The following CDR2L variants were observed in gnomAD, a reference collection of about 807,000 sequenced individuals.
The protein encoded by CDR2L is cerebellar degeneration-related protein 2-like.
CDR2L carries 19 observed loss-of-function variants against 36.1 expected under a neutral mutation model. The ratio of observed to expected loss-of-function variants is 0.53; its 90% CI spans 0.37 to 0.77. The LOEUF (loss-of-function observed/expected upper bound fraction) is 0.77. Ranked by LOEUF, CDR2L falls within the 30% of genes least tolerant of loss-of-function variation. The pLI is 0.00. For synonymous variants in CDR2L, 285 were observed against 280.4 expected, an observed-to-expected ratio of 1.02 and a Z score of -0.16; for missense variants, 575 against 627.2, an observed-to-expected ratio of 0.92 and a Z score of 0.89.
intron 1 of CDR2L, among the ~76,000 whole-genome samples, chr17:74,988,850 A>T (rs1362450402): frequency 2.0e-5 from 3 of 152,178 alleles, no homozygotes; most frequent in Non-Finnish European, 4.4e-5. Flanking sequence ...ATCTGAGGAC[A>T]GAAAGGGCGA....
rs757570066 is a variant in CDR2L, at chr17:75,001,403, G to A, written c.255G>A (p.Glu85=). 3 of 1,611,240 alleles carry A rather than the reference G, an allele frequency of 1.9e-6. No individual in the cohort carries two copies. The highest frequency in any genetic ancestry group is 4.5e-5 in the East Asian group (2 of 44,872). Residue 85 remains glutamate, a synonymous_variant, in exon 3 of 5, where the codon GAG becomes GAA. Coordinates refer to ENST00000337231, the MANE Select transcript of CDR2L (RefSeq NM_014603.3). Reference sequence around the variant, plus strand: ...ACGAGCAGCACGCCAAAGTCTATGAGCAGCTGGACCTGACAGCCCGGGACC... The same window carrying A: ...ACGAGCAGCACGCCAAAGTCTATGAACAGCTGGACCTGACAGCCCGGGACC... The part of the protein sequence containing the change: ...HVNEQHAKVY[E]QLDLTARDLE...
intron 1 of CDR2L, among the ~76,000 whole-genome samples, chr17:74,997,044 C>T (rs1328681240): frequency 1.2e-4 from 1 of 8,250 alleles, no homozygotes; most frequent in African/African-American, 1.6e-4. Context: ...TTCTTTCTTT[C>T]TTTCTTTCTT....
At chr17:74,998,908 C>G (rs1203939029) in intron 1 of CDR2L, among the ~76,000 whole-genome samples, 1 of 152,212 alleles carries the variant, frequency 6.6e-6, no homozygotes, top group African/African-American at 2.4e-5. Context: ...TTAGTCCCTT[C>G]CTGGCTGTGA....
intron 2 of CDR2L, among the ~76,000 whole-genome samples, chr17:75,000,865 C>A (rs1286889706): frequency 6.7e-6 from 1 of 149,850 alleles, no homozygotes; most frequent in Non-Finnish European, 1.5e-5. Context: ...TTGCAGTGAG[C>A]CGATGTCGCG....
intron 3 of CDR2L, 115 bp downstream of exon 3, chr17:75,001,604 G>T: frequency 1.0e-6 from 1 of 988,184 alleles, no homozygotes; most frequent in Non-Finnish European, 1.4e-6. Context: ...AGGAACCGGG[G>T]ATGGGAGTGA....
Position 75,002,153 on chromosome 17 carries a change from T to C in CDR2L, c.431T>C (p.Val144Ala). Residue 144 changes from valine to alanine, a missense_variant, in exon 4 of 5, where the codon GTG becomes GCG. Transcript: ENST00000337231. This position sits in a 1 kb window ranked among gnomAD's most constrained non-coding sequence, Gnocchi z 4.1. ...CTGAGAGGCCTGGAACAGCTGCGAG[T>C]GCTCCGGGAGAAGCGGGAACGCAGG... is the stretch of plus-strand genomic sequence containing the variant. ...EQLRGLEQLRVLREKRERRRT... is the reference protein window; with the variant it reads ...EQLRGLEQLRALREKRERRRT... The C allele has an allele frequency of 6.2e-7, 1 of 1,606,924 alleles. No homozygotes were observed. Among genetic ancestry groups the C allele is most frequent in the African/African-American group, 1.3e-5 (1 of 74,876 alleles).
chr17:75,002,905 C>T lies in CDR2L; in HGVS notation c.507-278C>T, dbSNP rs775240147. On this transcript the variant is annotated intron_variant, in intron 4 of 4. Coordinates refer to ENST00000337231, the MANE Select transcript of CDR2L (RefSeq NM_014603.3). This position sits in a 1 kb window ranked among gnomAD's most constrained non-coding sequence, Gnocchi z 4.1. The stretch of plus-strand genomic sequence containing the variant: ...GAAGACACACCCCACGGCCTCTGCT[C>T]CCCCCTCGGACCTCTAGCCAGTGCC... Among the ~76,000 whole-genome samples the T allele has an allele frequency of 1.3e-5, 2 of 152,256 alleles. No homozygotes were observed. The highest frequency in any genetic ancestry group is 4.1e-4 in the South Asian group (2 of 4,826).
chr17:75,000,134 G>A (rs571866962), intron 2 of CDR2L, among the ~76,000 whole-genome samples: 1 of 152,200 alleles, frequency 6.6e-6, no homozygotes, highest in African/African-American at 2.4e-5. Context: ...AAATTAGCTG[G>A]CTATGGTGGC....
rs1407331794 is a variant in CDR2L, at chr17:75,003,232, C to T, written c.556C>T (p.Arg186Trp). 13 of 1,565,154 alleles carry T rather than the reference C, an allele frequency of 8.3e-6. No homozygotes were observed. Among genetic ancestry groups the T allele is most frequent in the Middle Eastern group, 1.8e-4 (1 of 5,514 alleles). Residue 186 changes from arginine to tryptophan, a missense_variant, in exon 5 of 5, where the codon CGG becomes TGG. Coordinates refer to ENST00000337231, the MANE Select transcript of CDR2L (RefSeq NM_014603.3). ...CAGTTCCTCCCTGGAGCTGGGCCCG[C>T]GGCCCCTGGAGCAGGAGAACGAGCG... ...LHSSSLELGP[R>W]PLEQENERLQ...
rs2039898741 is a variant in CDR2L, at chr17:75,005,603, C to G, written c.*1529C>G. 6.5e-6 allele frequency: 1 copy of G among 152,812 alleles called. No homozygotes were observed. Among genetic ancestry groups the G allele is most frequent in the Admixed American group, 6.5e-5 (1 of 15,288 alleles). 9.5% of individuals were successfully genotyped at this position (152,812 alleles called of 1,614,324 possible). ...ACTTTTGTCCTTTGAGGCTAGGCAG[C>G]TCCCTGCCCTCCGTGTGTGTCTGTT... On this transcript the variant is annotated 3_prime_UTR_variant, in exon 5 of 5. Transcript: ENST00000337231. The surrounding 1 kb of genome is among the most constrained non-coding windows in gnomAD (Gnocchi z 4.2).
chr17:74,991,192 C>T (rs1447455066), intron 1 of CDR2L, among the ~76,000 whole-genome samples: 2 of 147,722 alleles, frequency 1.4e-5, no homozygotes, highest in Non-Finnish European at 3.0e-5. Context: ...CACCTGAGGT[C>T]GGGAGTTCGA....
At position 75,003,204 on chromosome 17, in the gene CDR2L, A is replaced by G. The variant is rs762699267; in HGVS notation, c.528A>G (p.Leu176=). Residue 176 remains leucine (L), a synonymous_variant, in exon 5 of 5, where the codon CTA becomes CTG. Coordinates refer to ENST00000337231, the MANE Select transcript of CDR2L (RefSeq NM_014603.3). The part of the protein sequence containing the change: ...TSPRCKDAFR[L]HSSSLELGPR... Reference sequence around the variant, plus strand: ...CCAGGTGCAAGGATGCTTTCCGCCTACACAGTTCCTCCCTGGAGCTGGGCC... The same window carrying G: ...CCAGGTGCAAGGATGCTTTCCGCCTGCACAGTTCCTCCCTGGAGCTGGGCC... The G allele has an allele frequency of 8.3e-6, 13 of 1,565,720 alleles. No homozygotes were observed. Among genetic ancestry groups the G allele is most frequent in the South Asian group, 2.4e-5 (2 of 84,864 alleles).
In CDR2L at chr17:74,989,410, A is replaced by AACAC. The variant is rs61110164; in HGVS notation, c.79+1322_79+1325dup. Among the ~76,000 whole-genome samples, 5,514 of 130,670 alleles carry AACAC rather than the reference A, an allele frequency of 0.042. 180 individuals are homozygous for AACAC. Among genetic ancestry groups the AACAC allele is most frequent in the Admixed American group, 0.09 (1,162 of 12,932 alleles). 85.7% of individuals were successfully genotyped at this position (130,670 alleles called of 152,430 possible). A position where few individuals can be genotyped will look rare whatever the true frequency, so the allele number is the denominator to read the frequency against. On this transcript the variant is annotated intron_variant, in intron 1 of 4. Transcript: ENST00000337231. The surrounding 1 kb of genome is among the most constrained non-coding windows in gnomAD (Gnocchi z 4.2). ...CTGAAATGAGATACAGCTCCTCTCA[A>AACAC]ACACACACACACACACACACACACA... is the stretch of plus-strand genomic sequence containing the variant.
At position 75,004,400 on chromosome 17, in the gene CDR2L, T is replaced by G; in HGVS notation, c.*326T>G. 3.7e-6 allele frequency: 1 copy of G among 268,898 alleles called. No homozygotes were observed. Among genetic ancestry groups the G allele is most frequent in the African/African-American group, 2.2e-5 (1 of 44,868 alleles). 16.7% of individuals were successfully genotyped at this position (268,898 alleles called of 1,614,324 possible). ...CTCACCCTCAGACTGGTGACCAGGC[T>G]TCTGAAAGCCATTCTGGATCAGTTG... On this transcript the variant is annotated 3_prime_UTR_variant, in exon 5 of 5. Coordinates refer to ENST00000337231, the MANE Select transcript of CDR2L (RefSeq NM_014603.3).
chr17:74,988,824 G>A (rs889818452), intron 1 of CDR2L, among the ~76,000 whole-genome samples: 7 of 152,284 alleles, frequency 4.6e-5, no homozygotes, highest in Middle Eastern at 3.4e-3. Context: ...ATACATCTCC[G>A]CTGCCCCCAG....
At chr17:74,990,353 C>G (rs2039789239) in intron 1 of CDR2L, among the ~76,000 whole-genome samples, 2 of 152,182 alleles carry the variant, frequency 1.3e-5, no homozygotes, top group African/African-American at 4.8e-5. Context: ...AGAAATGAGA[C>G]AGAATAAACT....
At chr17:74,997,148 G>A (rs1424419527) in intron 1 of CDR2L, among the ~76,000 whole-genome samples, 5 of 145,810 alleles carry the variant, frequency 3.4e-5, no homozygotes, top group South Asian at 4.4e-4. Context: ...GCACGATCTC[G>A]GCTCACTGCA....
In CDR2L at chr17:75,002,891, C is replaced by G. The variant is rs1271791886; in HGVS notation, c.507-292C>G. 1.3e-5 allele frequency among the ~76,000 whole-genome samples: 2 copies of G among 152,134 alleles called. No homozygotes were observed. Among genetic ancestry groups the G allele is most frequent in the African/African-American group, 4.8e-5 (2 of 41,432 alleles). ...ATGGAGAGCCCAAAGAAGACACACC[C>G]CACGGCCTCTGCTCCCCCCTCGGAC... is the stretch of plus-strand genomic sequence containing the variant. On this transcript the variant is annotated intron_variant, in intron 4 of 4. Transcript: ENST00000337231. The surrounding 1 kb of genome is among the most constrained non-coding windows in gnomAD (Gnocchi z 4.1).
rs1179691091 is a variant in CDR2L, at chr17:74,989,485, A to G, written c.79+1363A>G. Among the ~76,000 whole-genome samples the G allele has an allele frequency of 6.8e-6, 1 of 147,726 alleles. No individual in the cohort carries two copies. Among genetic ancestry groups the G allele is most frequent in the Non-Finnish European group, 1.5e-5 (1 of 66,846 alleles). Reference sequence around the variant, plus strand: ...GACAACCCCCTCTCCCATCCTGGGCAGTAAATTTTTCCATGAACACCTATT... The same window carrying G: ...GACAACCCCCTCTCCCATCCTGGGCGGTAAATTTTTCCATGAACACCTATT... On this transcript the variant is annotated intron_variant, in intron 1 of 4. Transcript: ENST00000337231. This position sits in a 1 kb window ranked among gnomAD's most constrained non-coding sequence, Gnocchi z 4.2.
Sources: allele counts gnomAD v4.1 joint callset (sites outside exome capture counted in the v4.1 genomes callset), GRCh38; gene constraint gnomAD v4.1.1; non-coding constraint Gnocchi (gnomAD v3.1); transcripts MANE v1.5; gene names NCBI Gene and HGNC (gene_info 2026-07-23, HGNC 2026-07-21).